Variants in CWC27 observed in about 807,000 individuals in gnomAD.
CWC27 encodes spliceosome-associated protein CWC27 homolog.
Under a neutral mutation model 63.6 loss-of-function variants are expected in CWC27, and 47 were observed. The observed-to-expected ratio is 0.74, with a 90% CI of 0.58 to 0.94. The LOEUF is 0.94. Ranked by LOEUF, CWC27 falls within the 40% of genes least tolerant of loss-of-function variation. CWC27 has a pLI of 0.00. For synonymous variants in CWC27, 175 were observed against 179.8 expected (o/e 0.97, Z 0.22); for missense variants, 495 against 554.3 (o/e 0.89, Z 1.07).
intron 1 of CWC27, among the ~76,000 whole-genome samples, chr5:64,770,402 T>C (rs1580569141): frequency 6.6e-6 from 1 of 152,154 alleles, no homozygotes; most frequent in East Asian, 1.9e-4. Flanking sequence ...TAATAAACAC[T>C]GGTAGAGATT....
intron 11 of CWC27, among the ~76,000 whole-genome samples, chr5:64,953,129 A>G (rs1748742171): frequency 6.6e-6 from 1 of 152,098 alleles, no homozygotes; most frequent in Admixed American, 6.6e-5. Context: ...AGATTTTGCC[A>G]GTCTGTGGTA....
At chr5:64,817,370 A>G (rs1431187424) in intron 10 of CWC27, among the ~76,000 whole-genome samples, 1 of 152,124 alleles carries the variant, frequency 6.6e-6, no homozygotes, top group Non-Finnish European at 1.5e-5. Flanking sequence ...AATTTATAAA[A>G]TTTGCTTGAC....
At chr5:64,846,311 AATATT>A (rs1340629691) in intron 10 of CWC27, among the ~76,000 whole-genome samples, 1 of 152,214 alleles carries the variant, frequency 6.6e-6, no homozygotes, top group Admixed American at 6.5e-5. Flanking sequence ...AAAAAACAAA[AATATT>A]AATAGCAGCT....
intron 11 of CWC27, among the ~76,000 whole-genome samples, chr5:64,953,746 CTT>C (rs1748752983): frequency 6.6e-6 from 1 of 152,054 alleles, no homozygotes; most frequent in African/African-American, 2.4e-5. Context: ...AGTTCAGGGA[CTT>C]TTATTTAACA....
intron 13 of CWC27, among the ~76,000 whole-genome samples, chr5:65,011,889 A>T (rs748028604): frequency 1.3e-5 from 2 of 152,180 alleles, no homozygotes; most frequent in Non-Finnish European, 2.9e-5. Flanking sequence ...ACTAGAAGAA[A>T]CTGGAACTGA....
chr5:64,827,133 A>G (rs1234011013), intron 10 of CWC27, among the ~76,000 whole-genome samples: 1 of 152,208 alleles, frequency 6.6e-6, no homozygotes, highest in African/African-American at 2.4e-5. Context: ...CCAATCCTCT[A>G]AATAACATAC....
chr5:64,972,716 A>G (rs764754764), intron 12 of CWC27: 1 of 452,376 alleles, frequency 2.2e-6, no homozygotes, highest in South Asian at 1.6e-5. Flanking sequence ...CATAGTGACT[A>G]TACTACCAGA....
chr5:64,890,663 G>A (rs1747211922), intron 11 of CWC27, among the ~76,000 whole-genome samples: 2 of 151,822 alleles, frequency 1.3e-5, no homozygotes, highest in Non-Finnish European at 2.9e-5. Flanking sequence ...ATTTGCACTT[G>A]ACTCATTGGA....
At chr5:64,927,535 T>C (rs779227826) in intron 11 of CWC27, among the ~76,000 whole-genome samples, 29 of 152,178 alleles carry the variant, frequency 1.9e-4, no homozygotes, top group Non-Finnish European at 3.1e-4. Flanking sequence ...AGCCTGTCTT[T>C]TGTCTCAGGG....
intron 10 of CWC27, among the ~76,000 whole-genome samples, chr5:64,877,849 A>T (rs1580696827): frequency 7.4e-6 from 1 of 135,318 alleles, no homozygotes; most frequent in Non-Finnish European, 1.6e-5. Context: ...ATTTTCTTGG[A>T]TAATTTTGAA....
chr5:64,915,238 A>AGTAT (rs1561155046), intron 11 of CWC27, among the ~76,000 whole-genome samples: 2 of 152,282 alleles, frequency 1.3e-5, no homozygotes, highest in Non-Finnish European at 2.9e-5. Flanking sequence ...TGGAAGTGGT[A>AGTAT]GTATGGGCTT....
intron 10 of CWC27, among the ~76,000 whole-genome samples, chr5:64,846,133 A>G (rs1035585997): frequency 1.3e-5 from 2 of 152,222 alleles, no homozygotes; most frequent in African/African-American, 4.8e-5. Context: ...TACTTAACCC[A>G]GCAAAGCTAT....
At chr5:64,951,817 A>G (rs1748715900) in intron 11 of CWC27, among the ~76,000 whole-genome samples, 1 of 151,968 alleles carries the variant, frequency 6.6e-6, no homozygotes, top group South Asian at 2.1e-4. Flanking sequence ...AATGTATCAA[A>G]TACTTTGTTC....
intron 10 of CWC27, chr5:64,884,252 T>G (rs927456698): frequency 2.6e-5 from 4 of 152,082 alleles, no homozygotes; most frequent in African/African-American, 9.7e-5. Flanking sequence ...ATGTGCAAGC[T>G]TAGTAGAAAT....
intron 11 of CWC27, among the ~76,000 whole-genome samples, chr5:64,926,734 AG>A (rs1748115192): frequency 6.6e-6 from 1 of 152,124 alleles, no homozygotes; most frequent in East Asian, 1.9e-4. Context: ...TCAAATAAAG[AG>A]AAAAAAAAAT....
intron 10 of CWC27, among the ~76,000 whole-genome samples, chr5:64,861,578 T>G (rs1746413759): frequency 6.6e-6 from 1 of 152,240 alleles, no homozygotes. Flanking sequence ...GTGATTGATT[T>G]AAAAATCAAG....
At chr5:64,999,591 C>T (rs1749695902) in intron 13 of CWC27, among the ~76,000 whole-genome samples, 1 of 152,068 alleles carries the variant, frequency 6.6e-6, no homozygotes, top group African/African-American at 2.4e-5. Flanking sequence ...TGCAGTATTT[C>T]ATCCTTCTCT....
intron 10 of CWC27, among the ~76,000 whole-genome samples, chr5:64,836,468 T>C (rs916957969): frequency 1.3e-5 from 2 of 152,064 alleles, no homozygotes; most frequent in Admixed American, 6.6e-5. Context: ...GATGTTTTTA[T>C]CATTCTTGGA....
At chr5:64,787,970 A>G (rs1400369168) in intron 6 of CWC27, among the ~76,000 whole-genome samples, 1 of 152,164 alleles carries the variant, frequency 6.6e-6, no homozygotes, top group Non-Finnish European at 1.5e-5. Flanking sequence ...TAGGCATTCA[A>G]TACCTATTAG....
Sources: gnomAD v4.1 joint callset for allele counts (sites outside exome capture counted in the v4.1 genomes callset) on GRCh38, gnomAD v4.1.1 for gene constraint, MANE v1.5 for transcripts, NCBI Gene and HGNC (gene_info 2026-07-23, HGNC 2026-07-21) for gene names.